The following USP47 variants were observed in gnomAD, a reference collection of about 807,000 sequenced individuals.
USP47 encodes ubiquitin carboxyl-terminal hydrolase 47.
In USP47, 35 loss-of-function variants were observed where a neutral mutation model predicts 165.1. That is an observed-to-expected ratio of 0.21 (90% CI 0.16 to 0.28). USP47 has a LOEUF of 0.28. Among genes scored for constraint, USP47 ranks in the 10% least tolerant of loss-of-function variants. The probability of loss-of-function intolerance (pLI) is 1.00; values close to 1 mark genes in which losing one functional copy is unlikely to be tolerated. For synonymous variants in USP47, 531 were observed against 544.5 expected (o/e 0.98, Z 0.35); for missense variants, 1,277 against 1,607.4 (o/e 0.79, Z 3.52).
intron 11 of USP47, among the ~76,000 whole-genome samples, chr11:11,924,724 T>C (rs927731875): frequency 1.3e-5 from 2 of 152,186 alleles, no homozygotes; most frequent in Non-Finnish European, 2.9e-5. Context: ...ATCTGTGTTA[T>C]CAAACTTGGG....
intron 1 of USP47, among the ~76,000 whole-genome samples, chr11:11,864,423 C>T (rs1193341816): frequency 6.6e-6 from 1 of 152,022 alleles, no homozygotes; most frequent in Non-Finnish European, 1.5e-5. Flanking sequence ...ATGTACAGTT[C>T]GGTGGTACTA....
chr11:11,940,587 G>A (rs774268468), intron 19 of USP47, 39 bp downstream of exon 19: 3 of 1,596,786 alleles, frequency 1.9e-6, no homozygotes, highest in Admixed American at 1.7e-5. Flanking sequence ...TTCTATGCTG[G>A]TAGTAGTAAA....
At chr11:11,874,536 A>T (rs1165891413) in intron 1 of USP47, among the ~76,000 whole-genome samples, 2 of 152,102 alleles carry the variant, frequency 1.3e-5, no homozygotes, top group Non-Finnish European at 2.9e-5. Flanking sequence ...TTAAAATAAA[A>T]ATGAAGAGTC....
Position 11,902,766 on chromosome 11 carries a change from A to G in USP47, c.645A>G (p.Gln215=). 2 of 1,599,776 alleles carry G rather than the reference A, an allele frequency of 1.3e-6. No homozygotes were observed. The highest frequency in any genetic ancestry group is 2.3e-5 in the East Asian group (1 of 44,284). Residue 215 remains glutamine, a synonymous_variant, in exon 6 of 28, where the codon CAA becomes CAG. Transcript: ENST00000527733. ...EEDPVTSIPY[Q]LQRLFVLLQT... is the part of the protein sequence containing the mutation. ...ATCCAGTGACAAGTATTCCATACCA[A>G]CTTCAAAGGCTTTTTGTTTTGTTAC...
intron 1 of USP47, among the ~76,000 whole-genome samples, chr11:11,854,200 C>T (rs1848897092): frequency 6.9e-6 from 1 of 145,940 alleles, no homozygotes; most frequent in African/African-American, 2.4e-5. Context: ...CCTCTTTCAA[C>T]CTGATTGCAT....
intron 1 of USP47, among the ~76,000 whole-genome samples, chr11:11,867,695 C>T (rs922480503): frequency 1.3e-5 from 2 of 152,134 alleles, no homozygotes; most frequent in Non-Finnish European, 2.9e-5. Context: ...ACCATGTTTA[C>T]ACACAGTGAT....
intron 3 of USP47, among the ~76,000 whole-genome samples, chr11:11,890,176 T>C (rs1191901963): frequency 6.6e-6 from 1 of 152,048 alleles, no homozygotes; most frequent in African/African-American, 2.4e-5. Flanking sequence ...CAAAAGCAAT[T>C]GCAACAAAAG....
At position 11,842,092 on chromosome 11, in the gene USP47, G is replaced by C; in HGVS notation, c.-94G>C. 6.9e-7 allele frequency: 1 copy of C among 1,456,616 alleles called. No homozygotes were observed. The highest frequency in any genetic ancestry group is 9.3e-7 in the Non-Finnish European group (1 of 1,073,428). The allele number at this position is 1,456,616 out of a possible 1,614,324, so 90.2% of individuals were successfully genotyped here. A position where few individuals can be genotyped will look rare whatever the true frequency, so the allele number is the denominator to read the frequency against. On this transcript the variant is annotated 5_prime_UTR_variant, in exon 1 of 28. Coordinates refer to ENST00000527733, the MANE Select transcript of USP47 (RefSeq NM_001282659.2). Reference sequence around the variant, plus strand: ...TTGCTGGAGCGCAGGCGGCGGAGAGGATGACTGCCGCTGCCATTCTCTCTT... The same window carrying C: ...TTGCTGGAGCGCAGGCGGCGGAGAGCATGACTGCCGCTGCCATTCTCTCTT...
At chr11:11,883,811 G>A (rs10831693) in intron 2 of USP47, among the ~76,000 whole-genome samples, 42,181 of 151,838 alleles carry the variant, frequency 0.28, 6,804 homozygotes, top group East Asian at 0.52. Context: ...TTGACTCTTA[G>A]ATGTTTAATT....
At chr11:11,896,419 G>T (rs958953945) in intron 4 of USP47, among the ~76,000 whole-genome samples, 1 of 152,188 alleles carries the variant, frequency 6.6e-6, no homozygotes, top group African/African-American at 2.4e-5. Flanking sequence ...GAGAAGAAAA[G>T]AAATCCCAGA....
At chr11:11,856,946 T>TA (rs1372350296) in intron 1 of USP47, 1 of 152,198 alleles carries the variant, frequency 6.6e-6, no homozygotes, top group Non-Finnish European at 1.5e-5. Flanking sequence ...GACACCGTGC[T>TA]AGGCAGTGAT....
rs1854788240 is a variant in USP47, at chr11:11,933,048, G to A, written c.1696G>A (p.Val566Met). The change falls in exon 15 of 28, where the codon GTG (valine) becomes ATG (methionine). Residue 566 changes from valine (V) to methionine (M), a missense_variant. Physicochemically the swap from Val to Met is conservative, Grantham distance 21. Transcript: ENST00000527733. ...DEYPEHIKNL[V>M]QKERELEEQE... Reference sequence around the variant, plus strand: ...ATACCCAGAACATATTAAAAACTTGGTGCAGAAAGAGAGAGAGTTGGAAGA... The same window carrying A: ...ATACCCAGAACATATTAAAAACTTGATGCAGAAAGAGAGAGAGTTGGAAGA... The A allele has an allele frequency of 6.2e-7, 1 of 1,613,284 alleles. No individual in the cohort carries two copies. The highest frequency in any genetic ancestry group is 8.5e-7 in the Non-Finnish European group (1 of 1,179,576).
intron 8 of USP47, among the ~76,000 whole-genome samples, chr11:11,910,157 A>G (rs979055653): frequency 6.6e-6 from 1 of 152,172 alleles, no homozygotes; most frequent in African/African-American, 2.4e-5. Context: ...TCCTCCCACT[A>G]AAACAACTGA....
intron 1 of USP47, among the ~76,000 whole-genome samples, chr11:11,854,456 A>G (rs1355435793): frequency 6.8e-6 from 1 of 146,820 alleles, no homozygotes; most frequent in African/African-American, 2.4e-5. Flanking sequence ...TGGGAAGATT[A>G]AATGAGTTAA....
chr11:11,908,255 T>C (rs908660983), intron 8 of USP47, among the ~76,000 whole-genome samples: 2 of 152,166 alleles, frequency 1.3e-5, no homozygotes, highest in Admixed American at 6.5e-5. Flanking sequence ...CTTTTAAAAA[T>C]TGAAGGGTTT....
At position 11,842,134 on chromosome 11, in the gene USP47, G is replaced by GCCACCCT. The variant is rs1472788309; in HGVS notation, c.-42_-36dup. The GCCACCCT allele has an allele frequency of 1.5e-5, 23 of 1,547,200 alleles. No homozygotes were observed. The highest frequency in any genetic ancestry group is 2.0e-5 in the Non-Finnish European group (23 of 1,144,856). ...TTCTCTCTTGAGCTAGCGAGCCGCC[G>GCCACCCT]CCACCCTCCACCCTCCCCCGGCAGG... On this transcript the variant is annotated 5_prime_UTR_variant, in exon 1 of 28. Transcript: ENST00000527733.
At chr11:11,851,472 T>G (rs1301283359) in intron 1 of USP47, among the ~76,000 whole-genome samples, 1 of 152,214 alleles carries the variant, frequency 6.6e-6, no homozygotes, top group Admixed American at 6.5e-5. Context: ...TTTTTTTGTT[T>G]GTTTGCTTTA....
Position 11,930,720 on chromosome 11 carries a change from C to G in USP47, c.1620C>G (p.Ile540Met). The change falls in exon 14 of 28, where the codon ATC becomes ATG. Residue 540 changes from isoleucine to methionine, a missense_variant. Physicochemically the swap from Ile to Met is conservative, Grantham distance 10 (BLOSUM62 1). Transcript: ENST00000527733. ...FASSTNAYML[I>M]YRLKDPARNA... The stretch of plus-strand genomic sequence containing the variant: ...GTTCCACAAATGCATATATGCTGAT[C>G]TATAGACTGAAGGATCCAGCCAGAA... 1 of 1,605,712 alleles carries G rather than the reference C, an allele frequency of 6.2e-7. No homozygotes were observed. Among genetic ancestry groups the G allele is most frequent in the South Asian group, 1.1e-5 (1 of 88,992 alleles).
At chr11:11,896,163 T>C (rs1335362405) in intron 4 of USP47, among the ~76,000 whole-genome samples, 2 of 152,226 alleles carry the variant, frequency 1.3e-5, no homozygotes, top group Non-Finnish European at 2.9e-5. Context: ...CATATGTGAT[T>C]TTTATACCTG....
Sources: allele counts gnomAD v4.1 joint callset (sites outside exome capture counted in the v4.1 genomes callset), GRCh38; gene constraint gnomAD v4.1.1; transcripts MANE v1.5; gene names NCBI Gene and HGNC (gene_info 2026-07-23, HGNC 2026-07-21).